RUNX1: variants seen among roughly 807,000 people sequenced by gnomAD.
RUNX1 encodes the protein runt-related transcription factor 1.
A neutral mutation model predicts 42.8 loss-of-function variants in RUNX1; 19 were observed. That is an observed-to-expected ratio of 0.44 (90% confidence interval 0.31 to 0.65). The LOEUF (loss-of-function observed/expected upper bound fraction) is 0.65, where lower values mean the gene tolerates loss of function less well. Among genes scored for constraint, RUNX1 ranks in the 30% least tolerant of loss-of-function variants. The probability of loss-of-function intolerance (pLI) is 0.07; values close to 1 mark genes in which losing one functional copy is unlikely to be tolerated. For missense variants in RUNX1, 528 were observed against 672.0 expected, an observed-to-expected ratio of 0.79 and a Z score of 2.37; for synonymous variants, 271 against 289.4, an observed-to-expected ratio of 0.94 and a Z score of 0.64.
chr21:35,024,864 A>C (rs1389118406), intron 2 of RUNX1, among the ~76,000 whole-genome samples: 1 of 152,242 alleles, frequency 6.6e-6, no homozygotes, highest in African/African-American at 2.4e-5. Context: ...AATGTCTGGA[A>C]TATAAGTGAT....
chr21:34,856,156 C>A, intron 6 of RUNX1: 1 of 359,146 alleles, frequency 2.8e-6, no homozygotes, highest in Admixed American at 3.6e-5. Context: ...TCAAGTTTAC[C>A]CGTCGGCATG....
intron 2 of RUNX1, among the ~76,000 whole-genome samples, chr21:34,951,152 G>A (rs1569120916): frequency 6.6e-6 from 1 of 152,156 alleles, no homozygotes; most frequent in Admixed American, 6.5e-5. Context: ...CTGCCCAAGG[G>A]ATAGTTCACA....
chr21:34,884,371 C>T (rs981745931), intron 4 of RUNX1, among the ~76,000 whole-genome samples: 2 of 152,168 alleles, frequency 1.3e-5, no homozygotes, highest in African/African-American at 4.8e-5. Context: ...CCTAAGAAGG[C>T]CTTCAGTGAT....
At chr21:35,025,735 A>G (rs1256120038) in intron 2 of RUNX1, among the ~76,000 whole-genome samples, 21 of 152,184 alleles carry the variant, frequency 1.4e-4, no homozygotes, top group Admixed American at 1.4e-3. Flanking sequence ...GAATGGGAAG[A>G]CAGCCTCTCA....
intron 7 of RUNX1, among the ~76,000 whole-genome samples, chr21:34,800,388 T>A (rs1452723125): frequency 6.6e-6 from 1 of 152,246 alleles, no homozygotes; most frequent in African/African-American, 2.4e-5. Flanking sequence ...AAGACAGTTT[T>A]ACATTTCTTT....
chr21:34,815,667 A>T (rs2056815643), intron 7 of RUNX1, among the ~76,000 whole-genome samples: 1 of 152,202 alleles, frequency 6.6e-6, no homozygotes, highest in Non-Finnish European at 1.5e-5. Flanking sequence ...AAGGAGGAAG[A>T]ACGCCACTGC....
Position 34,788,824 on chromosome 21 carries a change from A to G in RUNX1, c.*3311T>C, listed in dbSNP as rs2056401037. ...TGTTTTGTGAGATTATTGTCAAACAAATTTTCATGTATAAAAGACCCAAAC... is the reference window on the plus strand; with the variant it reads ...TGTTTTGTGAGATTATTGTCAAACAGATTTTCATGTATAAAAGACCCAAAC... On this transcript the variant is annotated 3_prime_UTR_variant, in exon 9 of 9. Coordinates refer to ENST00000675419, the MANE Select transcript of RUNX1 (RefSeq NM_001754.5). 1 of 233,408 alleles carries G rather than the reference A, an allele frequency of 4.3e-6. No individual in the cohort carries two copies. The highest frequency in any genetic ancestry group is 5.6e-5 in the Admixed American group (1 of 17,782). The allele number at this position is 233,408 out of a possible 1,614,324, so 14.5% of individuals were successfully genotyped here. A position where few individuals can be genotyped will look rare whatever the true frequency, so the allele number is the denominator to read the frequency against.
chr21:34,930,875 A>C (rs984565370), intron 2 of RUNX1, among the ~76,000 whole-genome samples: 3 of 152,066 alleles, frequency 2.0e-5, no homozygotes, highest in Non-Finnish European at 2.9e-5. Context: ...ACTTTTTTTG[A>C]AGAAGATGAC....
intron 2 of RUNX1, among the ~76,000 whole-genome samples, chr21:34,919,303 G>C (rs73900581): frequency 0.014 from 2,178 of 152,278 alleles, 44 homozygotes; most frequent in African/African-American, 0.049. Context: ...GGAGAGAAGG[G>C]ACTTTTGTGA....
chr21:35,043,195 A>G (rs2059372142), intron 2 of RUNX1, among the ~76,000 whole-genome samples: 1 of 152,132 alleles, frequency 6.6e-6, no homozygotes, highest in Non-Finnish European at 1.5e-5. Flanking sequence ...TCTCAAAGGA[A>G]ATGCTCCCTT....
At chr21:35,034,712 C>T (rs535469727) in intron 2 of RUNX1, among the ~76,000 whole-genome samples, 1 of 152,270 alleles carries the variant, frequency 6.6e-6, no homozygotes, top group South Asian at 2.1e-4. Flanking sequence ...GAGAATGATT[C>T]GGTTGCAAAT....
rs184397896 is a variant in RUNX1, at chr21:34,802,496, T to C, written c.806-3034A>G. ...CTTCATTCATTTATTCATTCATGTG[T>C]TCATGAAATTACTTTTTCATTCACT... is the stretch of plus-strand genomic sequence containing the variant. On this transcript the variant is annotated intron_variant, in intron 7 of 8. Transcript: ENST00000675419. Among the ~76,000 whole-genome samples, 38 of 152,318 alleles carry C rather than the reference T, an allele frequency of 2.5e-4. 1 individual carries two copies. Among genetic ancestry groups the C allele is most frequent in the Admixed American group, 9.8e-4 (15 of 15,296 alleles).
At chr21:34,882,018 G>A (rs181072909) in intron 4 of RUNX1, among the ~76,000 whole-genome samples, 22 of 152,098 alleles carry the variant, frequency 1.4e-4, no homozygotes, top group African/African-American at 4.3e-4. Context: ...ATCATTTTTG[G>A]TTGCTGTTTT....
chr21:35,045,673 T>C (rs1410697429), intron 2 of RUNX1, among the ~76,000 whole-genome samples: 1 of 152,126 alleles, frequency 6.6e-6, no homozygotes, highest in East Asian at 1.9e-4. Flanking sequence ...TGAAAATAAA[T>C]TTCTGTGGCT....
At chr21:34,930,270 G>GTGTGTGTGTATATATATATATATATA (rs372412304) in intron 2 of RUNX1, among the ~76,000 whole-genome samples, 4 of 123,022 alleles carry the variant, frequency 3.3e-5, no homozygotes, top group African/African-American at 1.1e-4. Context: ...GTGTGTGTAT[G>GTGTGTGTGTATATATATATATATATA]TATATATATA....
chr21:34,987,318 A>G (rs970884238), intron 2 of RUNX1, among the ~76,000 whole-genome samples: 1 of 152,194 alleles, frequency 6.6e-6, no homozygotes, highest in Non-Finnish European at 1.5e-5. Context: ...TGCTGAGGAA[A>G]GCCAGACATT....
intron 2 of RUNX1, among the ~76,000 whole-genome samples, chr21:35,005,531 A>T (rs1260194590): frequency 6.6e-6 from 1 of 152,190 alleles, no homozygotes; most frequent in Non-Finnish European, 1.5e-5. Context: ...TCAGTTTTCC[A>T]GACATACTAT....
At chr21:34,973,000 C>T (rs138565731) in intron 2 of RUNX1, among the ~76,000 whole-genome samples, 40 of 152,278 alleles carry the variant, frequency 2.6e-4, no homozygotes, top group African/African-American at 8.9e-4. Context: ...TTCTGGAGAA[C>T]CTTGAGAGCT....
At chr21:34,975,326 TA>T (rs2058793457) in intron 2 of RUNX1, among the ~76,000 whole-genome samples, 1 of 152,246 alleles carries the variant, frequency 6.6e-6, no homozygotes, top group Non-Finnish European at 1.5e-5. Flanking sequence ...TCTCTACGTA[TA>T]GATCTGTATA....
Sources: gnomAD v4.1 joint callset for allele counts (sites outside exome capture counted in the v4.1 genomes callset) on GRCh38, gnomAD v4.1.1 for gene constraint, MANE v1.5 for transcripts, NCBI Gene and HGNC (gene_info 2026-07-23, HGNC 2026-07-21) for gene names.